Variants in ADAMTS17 observed in about 807,000 individuals in gnomAD.
ADAMTS17 encodes ADAM metallopeptidase with thrombospondin type 1 motif 17.
Under a neutral mutation model 141.5 loss-of-function variants are expected in ADAMTS17, and 113 were observed. The observed-to-expected ratio is 0.80, with a 90% confidence interval of 0.69 to 0.93. The LOEUF (loss-of-function observed/expected upper bound fraction) is 0.93, where lower values mean the gene tolerates loss of function less well. ADAMTS17 is among the 40% of genes least tolerant of loss of function. The probability of loss-of-function intolerance (pLI) is 0.00; values close to 1 mark genes in which losing one functional copy is unlikely to be tolerated. For missense variants in ADAMTS17, 1,659 were observed against 1,517.9 expected (o/e 1.09, Z -1.54); for synonymous variants, 768 against 630.6 (o/e 1.22, Z -3.27).
intron 20 of ADAMTS17, among the ~76,000 whole-genome samples, chr15:99,982,037 G>A (rs1335959077): frequency 6.6e-6 from 1 of 152,216 alleles, no homozygotes; most frequent in Non-Finnish European, 1.5e-5. Context: ...TGTGACCTCA[G>A]GCAAATGACT....
chr15:100,266,627 C>T (rs2043726344), intron 4 of ADAMTS17, among the ~76,000 whole-genome samples: 1 of 152,210 alleles, frequency 6.6e-6, no homozygotes, highest in Non-Finnish European at 1.5e-5. Context: ...CATCACCCTC[C>T]CCATCACCCA....
chr15:100,156,016 C>A (rs558668344), intron 8 of ADAMTS17, among the ~76,000 whole-genome samples: 5 of 152,280 alleles, frequency 3.3e-5, no homozygotes, highest in African/African-American at 1.2e-4. Flanking sequence ...AGTTCTTATG[C>A]CCCAACGTGT....
intron 20 of ADAMTS17, among the ~76,000 whole-genome samples, chr15:99,988,402 A>T (rs1461720896): frequency 2.0e-5 from 3 of 152,118 alleles, no homozygotes; most frequent in Non-Finnish European, 1.5e-5. Context: ...TGCAAGTAAA[A>T]GCCTCCTGAG....
intron 3 of ADAMTS17, among the ~76,000 whole-genome samples, chr15:100,298,412 C>T (rs1439230070): frequency 6.6e-6 from 1 of 152,046 alleles, no homozygotes; most frequent in African/African-American, 2.4e-5. Flanking sequence ...CATCAAGCCC[C>T]GACTCTGTGG....
At chr15:100,237,903 T>C (rs545063071) in intron 7 of ADAMTS17, among the ~76,000 whole-genome samples, 43 of 152,262 alleles carry the variant, frequency 2.8e-4, no homozygotes, top group Non-Finnish European at 4.6e-4. Flanking sequence ...GGATTACAGG[T>C]GTGAGCCCAC....
intron 12 of ADAMTS17, 64 bp downstream of exon 12, chr15:100,131,943 C>G (rs577474157): frequency 8.1e-6 from 13 of 1,610,428 alleles, no homozygotes; most frequent in Admixed American, 1.7e-5. Context: ...TGTGAGGCAG[C>G]GAGAGCTGCT....
At chr15:100,222,395 T>C (rs948236126) in intron 7 of ADAMTS17, among the ~76,000 whole-genome samples, 9 of 152,100 alleles carry the variant, frequency 5.9e-5, no homozygotes, top group Non-Finnish European at 8.8e-5. Context: ...CAGAAAGACA[T>C]GATTCAAATA....
At chr15:100,051,792 G>A (rs1414953518) in intron 16 of ADAMTS17, 61 bp from the exon 17 acceptor site, 29 of 1,600,790 alleles carry the variant, frequency 1.8e-5, no homozygotes, top group African/African-American at 4.0e-5. Context: ...TGGGAATGCC[G>A]AATCTGCACA....
chr15:99,978,048 G>A (rs919261633), intron 20 of ADAMTS17, among the ~76,000 whole-genome samples: 2 of 152,224 alleles, frequency 1.3e-5, no homozygotes, highest in African/African-American at 4.8e-5. Flanking sequence ...CTTGTTCTCT[G>A]AATGCCACAC....
chr15:100,325,525 A>G (rs947873784), intron 3 of ADAMTS17, among the ~76,000 whole-genome samples: 1 of 152,108 alleles, frequency 6.6e-6, no homozygotes, highest in African/African-American at 2.4e-5. Flanking sequence ...ATGCTGCCCA[A>G]TGCTGGAGGT....
intron 14 of ADAMTS17, among the ~76,000 whole-genome samples, chr15:100,106,815 G>C (rs149684391): frequency 7.2e-4 from 110 of 152,334 alleles, no homozygotes; most frequent in African/African-American, 2.5e-3. Flanking sequence ...AGTTTACCAA[G>C]AACCATCGGC....
rs536378625 is a variant in ADAMTS17 at position 100,137,211 on chromosome 15, G to C, written c.1474-3896C>G. Among the ~76,000 whole-genome samples, 35 of 152,318 alleles carry C rather than the reference G, an allele frequency of 2.3e-4. 1 individual carries two copies. The highest frequency in any genetic ancestry group is 8.4e-4 in the African/African-American group (35 of 41,564). On this transcript the variant is annotated intron_variant, in intron 10 of 21. Coordinates refer to ENST00000268070, the MANE Select transcript of ADAMTS17 (RefSeq NM_139057.4). Reference sequence around the variant, plus strand: ...TTGATTGAAACCAACGTAGGAATGGGAGTTAGAGAACAGAATTCATGGGAC... The same window carrying C: ...TTGATTGAAACCAACGTAGGAATGGCAGTTAGAGAACAGAATTCATGGGAC...
intron 14 of ADAMTS17, among the ~76,000 whole-genome samples, chr15:100,103,671 C>T (rs558281884): frequency 2.0e-5 from 3 of 152,092 alleles, no homozygotes; most frequent in East Asian, 1.9e-4. Flanking sequence ...CTCCACTGCC[C>T]GGGTTCAAGC....
chr15:100,117,056 CA>C, intron 12 of ADAMTS17, 43 bp from the exon 13 acceptor site: 2 of 1,559,606 alleles, frequency 1.3e-6, no homozygotes, highest in Non-Finnish European at 8.7e-7. Flanking sequence ...GTGGTGCGAC[CA>C]AAGGGCAGGA....
chr15:100,160,310 C>G (rs1458734952), intron 8 of ADAMTS17, among the ~76,000 whole-genome samples: 1 of 152,192 alleles, frequency 6.6e-6, no homozygotes, highest in African/African-American at 2.4e-5. Context: ...ATTAAGTATT[C>G]TAACCGTGCA....
In ADAMTS17 at chr15:100,283,823, G is replaced by A. The variant is rs547766950; in HGVS notation, c.617-2422C>T. On this transcript the variant is annotated intron_variant, in intron 3 of 21. Coordinates refer to ENST00000268070, the MANE Select transcript of ADAMTS17 (RefSeq NM_139057.4). ...ACTTAACATTTCAAAATCCTGCACT[G>A]CACTGGGTACAGTGGCTCACGCCTG... is the stretch of plus-strand genomic sequence containing the variant. Among the ~76,000 whole-genome samples, 105 of 152,276 alleles carry A rather than the reference G, an allele frequency of 6.9e-4. 2 individuals carry two copies. Among genetic ancestry groups the A allele is most frequent in the African/African-American group, 2.5e-3 (104 of 41,562 alleles).
At chr15:100,216,632 C>A (rs1033603232) in intron 7 of ADAMTS17, among the ~76,000 whole-genome samples, 13 of 152,178 alleles carry the variant, frequency 8.5e-5, no homozygotes, top group African/African-American at 3.1e-4. Context: ...GACAAGCTCA[C>A]GGAACCCTTT....
intron 3 of ADAMTS17, among the ~76,000 whole-genome samples, chr15:100,319,524 C>T (rs773808742): frequency 2.2e-4 from 34 of 152,276 alleles, no homozygotes; most frequent in Non-Finnish European, 4.3e-4. Flanking sequence ...GCCTGGCCAA[C>T]ATGGCGAAAC....
At chr15:100,098,766 C>T (rs1210321758) in intron 14 of ADAMTS17, among the ~76,000 whole-genome samples, 1 of 152,186 alleles carries the variant, frequency 6.6e-6, no homozygotes, top group Admixed American at 6.5e-5. Flanking sequence ...TGTGAGACCA[C>T]GTGTCTGTTG....
Sources: gnomAD v4.1 joint callset for allele counts (sites outside exome capture counted in the v4.1 genomes callset) on GRCh38, gnomAD v4.1.1 for gene constraint, MANE v1.5 for transcripts, NCBI Gene and HGNC (gene_info 2026-07-23, HGNC 2026-07-21) for gene names.